COL5A1: variants seen among roughly 807,000 people sequenced by gnomAD.
COL5A1 encodes the protein collagen alpha-1(V) chain.
In COL5A1, 16 loss-of-function variants were observed where a neutral mutation model predicts 263.7. The observed-to-expected ratio is 0.06, with a 90% CI of 0.04 to 0.09. The LOEUF is 0.09. Ranked by LOEUF, COL5A1 falls within the 10% of genes least tolerant of loss-of-function variation. The pLI is 1.00. For synonymous variants in COL5A1, 1,012 were observed against 1,004.5 expected (o/e 1.01, Z -0.14); for missense variants, 2,036 against 2,540.5 (o/e 0.80, Z 4.27).
chr9:134,675,770 C>G (rs1832669313), intron 1 of COL5A1, among the ~76,000 whole-genome samples: 1 of 152,206 alleles, frequency 6.6e-6, no homozygotes, highest in South Asian at 2.1e-4. Context: ...GTTCTCTTCA[C>G]ATGGAGCCCT....
chr9:134,731,698 T>C (rs1196209489), intron 8 of COL5A1, 35 bp downstream of exon 8: 1 of 1,585,500 alleles, frequency 6.3e-7, no homozygotes, highest in Non-Finnish European at 8.6e-7. Context: ...CGGGTGGGGT[T>C]GGGGGGCTGG....
chr9:134,727,597 T>A (rs543652050), intron 5 of COL5A1, among the ~76,000 whole-genome samples, 200 bp downstream of exon 5: 1 of 152,318 alleles, frequency 6.6e-6, no homozygotes, highest in South Asian at 2.1e-4. Context: ...TCACAGAGTT[T>A]GTCATCAATA....
chr9:134,717,815 T>C (rs1456851973), intron 4 of COL5A1, among the ~76,000 whole-genome samples: 1 of 152,156 alleles, frequency 6.6e-6, no homozygotes, highest in South Asian at 2.1e-4. Flanking sequence ...ACAAGCAGAG[T>C]GCTCAGCTGG....
rs1272913872 is a variant in COL5A1, at chr9:134,842,314, G to A, written c.*11G>A. The A allele has an allele frequency of 3.1e-6, 5 of 1,613,868 alleles. No homozygotes were observed. The Admixed American group carries it at 5.0e-5, about 16-fold the overall frequency. On this transcript the variant is annotated 3_prime_UTR_variant, in exon 66 of 66. Transcript: ENST00000371817. This position sits in a 1 kb window ranked among gnomAD's most constrained non-coding sequence, Gnocchi z 5.8. ...TGCTTCATGGGCTAGGAGCCGCCGA[G>A]CCCGGGCTCCCGAGAGCAACCTCGT...
At chr9:134,743,195 A>G (rs1308495386) in intron 11 of COL5A1, among the ~76,000 whole-genome samples, 6 of 152,132 alleles carry the variant, frequency 3.9e-5, no homozygotes, top group Non-Finnish European at 1.5e-5. Flanking sequence ...CTGTGTTTTA[A>G]GGCAGCTCCT....
In COL5A1 at chr9:134,756,991, G is replaced by A. The variant is rs143376583; in HGVS notation, c.1881+173G>A. Among the ~76,000 whole-genome samples, 1,017 of 152,274 alleles carry A rather than the reference G, an allele frequency of 6.7e-3. 6 individuals carry two copies. Among genetic ancestry groups the A allele is most frequent in the Non-Finnish European group, 0.011 (747 of 68,026 alleles). On this transcript the variant is annotated intron_variant, in intron 17 of 65. Coordinates refer to ENST00000371817, the MANE Select transcript of COL5A1 (RefSeq NM_000093.5). ...TGGTGGGTGAATTTCGCCAGCAAGC[G>A]TGACAGTTGCAGTTCATTTTCATAA...
chr9:134,668,954 C>CCCATCCATCCAA (rs1554776452), intron 1 of COL5A1, among the ~76,000 whole-genome samples: 1 of 110,396 alleles, frequency 9.1e-6, no homozygotes, highest in African/African-American at 3.7e-5. Context: ...CACCCACCCA[C>CCCATCCATCCAA]CCATCCATCC....
chr9:134,805,331 G>C (rs1269887012), intron 41 of COL5A1, 117 bp downstream of exon 41: 30 of 1,207,710 alleles, frequency 2.5e-5, no homozygotes, highest in Non-Finnish European at 3.7e-5. Flanking sequence ...AGCCTGGGGA[G>C]GATGTGGAGG....
intron 24 of COL5A1, among the ~76,000 whole-genome samples, 158 bp downstream of exon 24, chr9:134,767,512 G>A (rs1267302100): frequency 2.0e-5 from 3 of 152,218 alleles, no homozygotes; most frequent in Non-Finnish European, 4.4e-5. Context: ...TGGGCCAGAA[G>A]CATGAGGAGG....
chr9:134,829,433 TG>T (rs1455879420), intron 63 of COL5A1, among the ~76,000 whole-genome samples: 34 of 94,796 alleles, frequency 3.6e-4, no homozygotes, highest in African/African-American at 2.0e-3. Context: ...CCCTGAGGGC[TG>T]GGGCCAGGCT....
chr9:134,782,870 C>T (rs1287488090), intron 29 of COL5A1, 150 bp downstream of exon 29: 9 of 804,468 alleles, frequency 1.1e-5, no homozygotes, highest in East Asian at 5.0e-5. Context: ...GGGACAGTGG[C>T]GTGGAGCCCA....
intron 65 of COL5A1, among the ~76,000 whole-genome samples, chr9:134,840,983 G>A (rs1014540860): frequency 3.9e-5 from 6 of 152,190 alleles, no homozygotes; most frequent in Non-Finnish European, 7.3e-5. Context: ...GCAGAATACC[G>A]GGAGAGCTGG....
intron 11 of COL5A1, among the ~76,000 whole-genome samples, chr9:134,740,333 G>A (rs963495309): frequency 3.3e-5 from 5 of 152,334 alleles, no homozygotes; most frequent in Admixed American, 6.5e-5. Context: ...ACCCCAGCTC[G>A]CTCTGGAGAC....
Position 134,815,627 on chromosome 9 carries a change from G to C in COL5A1, c.4066G>C (p.Ala1356Pro). 1.2e-6 allele frequency: 2 copies of C among 1,613,544 alleles called. No individual in the cohort carries two copies. The highest frequency in any genetic ancestry group is 1.7e-6 in the Non-Finnish European group (2 of 1,179,902). Residue 1356 changes from alanine to proline, a missense_variant and splice_region_variant, in exon 51 of 66, where the codon GCG becomes CCG. By Grantham distance (27) the Ala-to-Pro change is conservative. Around this residue, in one of 3 missense-constraint regions of COL5A1, gnomAD observed 1,078 missense variants for 1,521.4 expected, o/e 0.71. Transcript: ENST00000371817. ...DPGPPGEPGP[A>P]GQDGPPGDKG... ...TGGCCCCCCCGGAGAGCCTGGCCCCGCGGTAGGTGCTCAAGAGGGCAAAGC... is the reference window on the plus strand; with the variant it reads ...TGGCCCCCCCGGAGAGCCTGGCCCCCCGGTAGGTGCTCAAGAGGGCAAAGC...
At position 134,700,682 on chromosome 9, in the gene COL5A1, TCCA is replaced by T. The variant is rs1833639492; in HGVS notation, c.492-485_492-483del. 6.6e-6 allele frequency among the ~76,000 whole-genome samples: 1 copy of T among 152,212 alleles called. No homozygotes were observed. The highest frequency in any genetic ancestry group is 2.4e-5 in the African/African-American group (1 of 41,452). The stretch of plus-strand genomic sequence containing the variant: ...AAGACTTTCAGACAGATCCACTCCT[TCCA>T]CCATTTCCCGTCCACACCCGGTCTT... On this transcript the variant is annotated intron_variant, in intron 3 of 65. Transcript: ENST00000371817. The surrounding 1 kb of genome is among the most constrained non-coding windows in gnomAD (Gnocchi z 4.0).
At chr9:134,730,779 G>A (rs1313823971) in intron 7 of COL5A1, among the ~76,000 whole-genome samples, 1 of 152,244 alleles carries the variant, frequency 6.6e-6, no homozygotes, top group African/African-American at 2.4e-5. Context: ...GGATTCAGGT[G>A]GAAATTGGAT....
intron 7 of COL5A1, 107 bp downstream of exon 7, chr9:134,730,582 C>A: frequency 6.7e-7 from 1 of 1,501,368 alleles, no homozygotes; most frequent in Non-Finnish European, 9.1e-7. Flanking sequence ...ACCTTGGTGT[C>A]CTCGGGTGGC....
chr9:134,802,079 C>G, intron 38 of COL5A1, 72 bp downstream of exon 38: 1 of 1,451,748 alleles, frequency 6.9e-7, no homozygotes, highest in Non-Finnish European at 9.7e-7. Flanking sequence ...GGTCCCAGCC[C>G]GGGCATCTGT....
intron 1 of COL5A1, among the ~76,000 whole-genome samples, chr9:134,650,645 C>T (rs1439440766): frequency 2.0e-5 from 3 of 152,238 alleles, no homozygotes; most frequent in African/African-American, 7.2e-5. Flanking sequence ...CCCCATGGGG[C>T]GGTGGCCAGT....
Sources: allele counts gnomAD v4.1 joint callset (sites outside exome capture counted in the v4.1 genomes callset), GRCh38; gene constraint gnomAD v4.1.1; regional missense constraint gnomAD v4.1.1; non-coding constraint Gnocchi (gnomAD v3.1); transcripts MANE v1.5; gene names NCBI Gene and HGNC (gene_info 2026-07-23, HGNC 2026-07-21).